Variants in ADAMTSL3 observed in about 807,000 individuals in gnomAD.
The protein encoded by ADAMTSL3 is ADAMTS-like protein 3.
ADAMTSL3 carries 128 observed loss-of-function variants against 201.7 expected under a neutral mutation model. The observed-to-expected ratio is 0.63, with a 90% CI of 0.55 to 0.73. The LOEUF is 0.73. Among genes scored for constraint, ADAMTSL3 ranks in the 30% least tolerant of loss-of-function variants. The pLI is 0.00. For synonymous variants in ADAMTSL3, 738 were observed against 748.4 expected (o/e 0.99, Z 0.23); for missense variants, 1,990 against 2,119.6 (o/e 0.94, Z 1.20).
chr15:83,940,335 C>G (rs2066536294), intron 17 of ADAMTSL3, among the ~76,000 whole-genome samples: 1 of 152,186 alleles, frequency 6.6e-6, no homozygotes, highest in South Asian at 2.1e-4. Flanking sequence ...GTAAGGGTGG[C>G]TTCGAAGACA....
intron 3 of ADAMTSL3, among the ~76,000 whole-genome samples, chr15:83,736,440 C>T (rs1437854010): frequency 6.6e-6 from 1 of 151,972 alleles, no homozygotes; most frequent in Non-Finnish European, 1.5e-5. Flanking sequence ...TCTGTGATAG[C>T]CCTGGAAAAG....
chr15:83,899,597 T>C (rs766406649), intron 14 of ADAMTSL3, 50 bp from the exon 15 acceptor site: 80 of 1,560,800 alleles, frequency 5.1e-5, no homozygotes, highest in Non-Finnish European at 2.1e-5. Flanking sequence ...ATCCAACTCC[T>C]TAATGATTAA....
chr15:83,823,086 C>T (rs1201057114), intron 6 of ADAMTSL3, among the ~76,000 whole-genome samples: 2 of 151,494 alleles, frequency 1.3e-5, no homozygotes, highest in Admixed American at 6.6e-5. Context: ...ATTGCAGGCA[C>T]TCGGCAGGCT....
At chr15:83,839,919 T>G (rs1342021579) in intron 7 of ADAMTSL3, among the ~76,000 whole-genome samples, 3 of 152,214 alleles carry the variant, frequency 2.0e-5, no homozygotes, top group Non-Finnish European at 4.4e-5. Flanking sequence ...ATCCAATGTC[T>G]AAGTATCTTT....
At chr15:83,991,479 T>C (rs2067582156) in intron 23 of ADAMTSL3, among the ~76,000 whole-genome samples, 1 of 152,202 alleles carries the variant, frequency 6.6e-6, no homozygotes, top group East Asian at 1.9e-4. Flanking sequence ...GGAATGTTCA[T>C]ATTGGCAAGA....
At chr15:83,749,534 T>C (rs1437543632) in intron 3 of ADAMTSL3, among the ~76,000 whole-genome samples, 3 of 152,066 alleles carry the variant, frequency 2.0e-5, no homozygotes, top group African/African-American at 7.2e-5. Flanking sequence ...GGAAGTGCAG[T>C]AGGAGGTGAT....
chr15:83,849,622 C>A (rs1209824913), intron 7 of ADAMTSL3, among the ~76,000 whole-genome samples: 1 of 152,194 alleles, frequency 6.6e-6, no homozygotes, highest in Non-Finnish European at 1.5e-5. Context: ...ATTGCTTCCT[C>A]TCTTTATCAT....
chr15:84,038,978 G>C lies in ADAMTSL3; in HGVS notation c.*1172G>C, dbSNP rs544065065. The C allele has an allele frequency of 6.5e-6, 1 of 152,722 alleles. No homozygotes were observed. The highest frequency in any genetic ancestry group is 1.9e-4 in the East Asian group (1 of 5,182). The allele number at this position is 152,722 out of a possible 1,614,324, so 9.5% of individuals were successfully genotyped here. On this transcript the variant is annotated 3_prime_UTR_variant, in exon 30 of 30. Coordinates refer to ENST00000286744, the MANE Select transcript of ADAMTSL3 (RefSeq NM_207517.3). Reference sequence around the variant, plus strand: ...TTAGGTCAGGGTTGGATTGGGTTTAGATTGGGGCCAGTGCTGGTGTTAGTG... The same window carrying C: ...TTAGGTCAGGGTTGGATTGGGTTTACATTGGGGCCAGTGCTGGTGTTAGTG...
chr15:83,714,761 C>CTCTTTTTCTTTCTTTCTTTCTTTCTT (rs1555433186), intron 3 of ADAMTSL3, among the ~76,000 whole-genome samples: 8 of 41,454 alleles, frequency 1.9e-4, no homozygotes, highest in Admixed American at 8.9e-4. Context: ...CTTCCCTTTT[C>CTCTTTTTCTTTCTTTCTTTCTTTCTT]TCTTTCTTTC....
intron 12 of ADAMTSL3, 123 bp from the exon 13 acceptor site, chr15:83,892,561 C>T (rs2065528537): frequency 2.2e-6 from 2 of 899,510 alleles, no homozygotes; most frequent in Admixed American, 4.9e-5. Flanking sequence ...TTATGACTCC[C>T]AGTCCCAGGC....
intron 9 of ADAMTSL3, among the ~76,000 whole-genome samples, chr15:83,880,183 A>G (rs1226926480): frequency 6.6e-6 from 1 of 151,990 alleles, no homozygotes; most frequent in East Asian, 1.9e-4. Flanking sequence ...ATCAGTTTTG[A>G]CAGATTCTCA....
At chr15:83,948,649 A>C (rs1231562071) in intron 19 of ADAMTSL3, among the ~76,000 whole-genome samples, 1 of 152,170 alleles carries the variant, frequency 6.6e-6, no homozygotes, top group Non-Finnish European at 1.5e-5. Flanking sequence ...ACATTCTATG[A>C]ATCATTATCC....
At chr15:84,000,543 A>G (rs1055030349) in intron 23 of ADAMTSL3, among the ~76,000 whole-genome samples, 3 of 152,220 alleles carry the variant, frequency 2.0e-5, no homozygotes, top group Non-Finnish European at 4.4e-5. Flanking sequence ...GTTCCTTAGC[A>G]TGCAGAGATG....
chr15:83,866,149 A>T (rs1201936130), intron 8 of ADAMTSL3, among the ~76,000 whole-genome samples: 1 of 152,264 alleles, frequency 6.6e-6, no homozygotes, highest in East Asian at 1.9e-4. Context: ...GAACACTTTT[A>T]CACTGTTGGT....
At position 83,655,738 on chromosome 15, in the gene ADAMTSL3, G is replaced by A. The variant is rs1567053055; in HGVS notation, c.-24G>A. ...CTTTCCTCGTTTGTAGGCTACAACT[G>A]AGACCCGGAGGAGACTAGACCCCAT... On this transcript the variant is annotated 5_prime_UTR_variant, in exon 2 of 30. Transcript: ENST00000286744. The A allele has an allele frequency of 2.5e-6, 4 of 1,613,100 alleles. No individual in the cohort carries two copies. In the Admixed American group the frequency reaches 6.7e-5, roughly 27 times the overall value.
At chr15:83,770,150 C>G (rs2062956435) in intron 3 of ADAMTSL3, among the ~76,000 whole-genome samples, 1 of 152,142 alleles carries the variant, frequency 6.6e-6, no homozygotes, top group South Asian at 2.1e-4. Context: ...TCTCACTCCT[C>G]TCCCTATGCA....
intron 19 of ADAMTSL3, among the ~76,000 whole-genome samples, chr15:83,945,179 T>C (rs1170234760): frequency 6.6e-6 from 1 of 152,084 alleles, no homozygotes; most frequent in African/African-American, 2.4e-5. Context: ...CAGCCACCAA[T>C]ACCCACTTCC....
chr15:83,912,964 A>T, intron 15 of ADAMTSL3, 128 bp from the exon 16 acceptor site: 1 of 973,148 alleles, frequency 1.0e-6, no homozygotes, highest in Admixed American at 2.5e-5. Context: ...ATAAAATTCC[A>T]AATGTGTGGA....
chr15:83,822,438 C>A (rs1466693294), intron 6 of ADAMTSL3, among the ~76,000 whole-genome samples: 3 of 142,662 alleles, frequency 2.1e-5, no homozygotes, highest in Non-Finnish European at 3.0e-5. Flanking sequence ...ACTTCTCAGA[C>A]GGGGCGGTTG....
Sources: gnomAD v4.1 joint callset for allele counts (sites outside exome capture counted in the v4.1 genomes callset) on GRCh38, gnomAD v4.1.1 for gene constraint, MANE v1.5 for transcripts, NCBI Gene and HGNC (gene_info 2026-07-23, HGNC 2026-07-21) for gene names.